Variants in FRS2 observed in about 807,000 individuals in gnomAD.
FRS2 encodes FGFR signalling adaptor.
Under a neutral mutation model 43.9 loss-of-function variants are expected in FRS2, and 8 were observed. The ratio of observed to expected loss-of-function variants is 0.18; its 90% CI spans 0.11 to 0.33. The LOEUF (loss-of-function observed/expected upper bound fraction) is 0.33. FRS2 is among the 10% of genes least tolerant of loss of function. The probability of loss-of-function intolerance (pLI) is 1.00; values close to 1 mark genes in which losing one functional copy is unlikely to be tolerated. For missense variants in FRS2, 534 were observed against 627.6 expected (o/e 0.85, Z 1.59); for synonymous variants, 219 against 220.3 (o/e 0.99, Z 0.05).
chr12:69,520,526 C>T (rs1193531142), intron 1 of FRS2, among the ~76,000 whole-genome samples: 2 of 151,946 alleles, frequency 1.3e-5, no homozygotes, highest in Non-Finnish European at 2.9e-5. Context: ...CCTAGGTTGT[C>T]TTCCAGAGTT....
chr12:69,511,381 G>A (rs910744350), intron 1 of FRS2, among the ~76,000 whole-genome samples: 1 of 151,998 alleles, frequency 6.6e-6, no homozygotes, highest in African/African-American at 2.4e-5. Flanking sequence ...CAAATGTTCC[G>A]GCTGAATGTG....
intron 1 of FRS2, among the ~76,000 whole-genome samples, chr12:69,520,724 G>A (rs1437259582): frequency 6.6e-6 from 1 of 152,044 alleles, no homozygotes; most frequent in African/African-American, 2.4e-5. Context: ...CCAGATGGTT[G>A]TAGTTGTGCG....
intron 1 of FRS2, among the ~76,000 whole-genome samples, chr12:69,502,681 GA>G (rs1320600135): frequency 1.3e-5 from 2 of 152,136 alleles, no homozygotes; most frequent in Non-Finnish European, 2.9e-5. Flanking sequence ...TAAGTGAGAG[GA>G]GCAGCAAGCA....
intron 1 of FRS2, among the ~76,000 whole-genome samples, chr12:69,506,636 T>A (rs746206333): frequency 6.6e-6 from 1 of 152,166 alleles, no homozygotes; most frequent in African/African-American, 2.4e-5. Context: ...GGTGTCTACT[T>A]CTTCTTTCAA....
intron 3 of FRS2, among the ~76,000 whole-genome samples, chr12:69,550,054 C>G (rs1295039864): frequency 6.6e-6 from 1 of 152,196 alleles, no homozygotes; most frequent in African/African-American, 2.4e-5. Context: ...CATCTCCACA[C>G]CTGTATTTCT....
At chr12:69,484,351 TG>T (rs1414387162) in intron 1 of FRS2, among the ~76,000 whole-genome samples, 1 of 152,198 alleles carries the variant, frequency 6.6e-6, no homozygotes, top group Non-Finnish European at 1.5e-5. Context: ...CCCAGAGTGC[TG>T]GGATTACAAG....
intron 1 of FRS2, among the ~76,000 whole-genome samples, chr12:69,481,977 G>A (rs1204012331): frequency 1.3e-5 from 2 of 150,104 alleles, no homozygotes. Flanking sequence ...CTGCTTAGAG[G>A]TACCTTAGTG....
chr12:69,575,092 TTAAC>T lies in FRS2; in HGVS notation c.*141_*144del, dbSNP rs1411352676. On this transcript the variant is annotated 3_prime_UTR_variant, in exon 9 of 9. Transcript: ENST00000549921. ...TTTTCTGAATATTTCATGTGCATCT[TTAAC>T]TAAAGGGAATTAATGTAGAGCAGGT... The T allele has an allele frequency of 6.7e-5, 41 of 612,350 alleles. No individual in the cohort carries two copies. The highest frequency in any genetic ancestry group is 4.6e-4 in the South Asian group (22 of 47,496). The allele number at this position is 612,350 out of a possible 1,614,324, so 37.9% of individuals were successfully genotyped here. A position where few individuals can be genotyped will look rare whatever the true frequency, so the allele number is the denominator to read the frequency against.
In FRS2 at chr12:69,516,330, C is replaced by T. The variant is rs762242085; in HGVS notation, c.-260-14535C>T. On this transcript the variant is annotated intron_variant, in intron 1 of 8. Coordinates refer to ENST00000549921, the MANE Select transcript of FRS2 (RefSeq NM_001278356.2). ...GCCTCCCTGGTTCAAGCCATTCTCC[C>T]GCCTCAGCCTCCGGAGTAGCTGGGA... Among the ~76,000 whole-genome samples, 3 of 151,898 alleles carry T rather than the reference C, an allele frequency of 2.0e-5. 1 individual carries two copies. The highest frequency in any genetic ancestry group is 2.1e-4 in the South Asian group (1 of 4,824).
At chr12:69,551,878 A>G (rs1362705390) in intron 3 of FRS2, among the ~76,000 whole-genome samples, 1 of 152,118 alleles carries the variant, frequency 6.6e-6, no homozygotes, top group East Asian at 1.9e-4. Context: ...ACTGTATGGC[A>G]TGTTTTATGG....
intron 3 of FRS2, among the ~76,000 whole-genome samples, chr12:69,557,557 C>G (rs912315600): frequency 2.0e-5 from 3 of 149,902 alleles, no homozygotes; most frequent in Non-Finnish European, 4.4e-5. Context: ...TGTTTTTATA[C>G]TAAACTAAGA....
intron 1 of FRS2, among the ~76,000 whole-genome samples, chr12:69,476,163 A>G (rs1394478685): frequency 6.6e-6 from 1 of 152,204 alleles, no homozygotes; most frequent in East Asian, 1.9e-4. Context: ...GGTTTGGGGT[A>G]CATTCTGCCC....
chr12:69,510,293 G>A (rs1242362677), intron 1 of FRS2, among the ~76,000 whole-genome samples: 1 of 152,076 alleles, frequency 6.6e-6, no homozygotes, highest in African/African-American at 2.4e-5. Flanking sequence ...GAGTGCCCTC[G>A]GTAGAGTTAA....
intron 1 of FRS2, among the ~76,000 whole-genome samples, chr12:69,505,327 G>A (rs1400704761): frequency 2.0e-5 from 3 of 152,180 alleles, no homozygotes; most frequent in Non-Finnish European, 4.4e-5. Context: ...TGCTTTTACA[G>A]TGGTGGAATA....
intron 1 of FRS2, among the ~76,000 whole-genome samples, chr12:69,511,603 G>C (rs1301920855): frequency 6.6e-6 from 1 of 152,074 alleles, no homozygotes; most frequent in Non-Finnish European, 1.5e-5. Flanking sequence ...CTGAACTGGT[G>C]GATTTACATG....
chr12:69,519,193 A>G (rs1414614635), intron 1 of FRS2, among the ~76,000 whole-genome samples: 2 of 152,170 alleles, frequency 1.3e-5, no homozygotes, highest in Non-Finnish European at 2.9e-5. Context: ...GAGGTTGTCA[A>G]ATACTGAGGT....
intron 3 of FRS2, among the ~76,000 whole-genome samples, chr12:69,556,389 A>G (rs1254720068): frequency 2.0e-5 from 3 of 150,762 alleles, no homozygotes; most frequent in Admixed American, 6.6e-5. Flanking sequence ...CTGGAGTGCA[A>G]TGGCGAGATC....
intron 4 of FRS2, among the ~76,000 whole-genome samples, chr12:69,565,152 A>C (rs578137127): frequency 6.6e-6 from 1 of 152,360 alleles, no homozygotes; most frequent in South Asian, 2.1e-4. Flanking sequence ...ACATCACTGT[A>C]CTGAATACTA....
intron 1 of FRS2, among the ~76,000 whole-genome samples, chr12:69,485,259 T>G (rs1356376646): frequency 1.3e-5 from 2 of 152,084 alleles, no homozygotes; most frequent in Non-Finnish European, 1.5e-5. Flanking sequence ...CTCCGCTCAC[T>G]GAAAGCTCCG....
Sources: allele counts gnomAD v4.1 joint callset (sites outside exome capture counted in the v4.1 genomes callset), GRCh38; gene constraint gnomAD v4.1.1; transcripts MANE v1.5; gene names NCBI Gene and HGNC (gene_info 2026-07-23, HGNC 2026-07-21).